Variants in DLGAP1 observed in about 807,000 individuals in gnomAD.
DLGAP1 encodes the protein disks large-associated protein 1.
Under a neutral mutation model 90.8 loss-of-function variants are expected in DLGAP1, and 11 were observed. That is an observed-to-expected ratio of 0.12 (90% confidence interval 0.08 to 0.20). The LOEUF (loss-of-function observed/expected upper bound fraction) is 0.20, where lower values mean the gene tolerates loss of function less well. Ranked by LOEUF, DLGAP1 falls within the 10% of genes least tolerant of loss-of-function variation. The probability of loss-of-function intolerance (pLI) is 1.00; values close to 1 mark genes in which losing one functional copy is unlikely to be tolerated. For synonymous variants in DLGAP1, 558 were observed against 540.7 expected (o/e 1.03, Z -0.44); for missense variants, 1,050 against 1,333.8 (o/e 0.79, Z 3.31).
chr18:4,223,459 T>C (rs1435434984), intron 1 of DLGAP1, among the ~76,000 whole-genome samples: 1 of 152,156 alleles, frequency 6.6e-6, no homozygotes, highest in Non-Finnish European at 1.5e-5. Flanking sequence ...CACTTTGAGG[T>C]ATCAGTGGGT....
intron 7 of DLGAP1, among the ~76,000 whole-genome samples, chr18:3,648,889 G>A (rs1220725541): frequency 6.6e-6 from 1 of 152,206 alleles, no homozygotes; most frequent in Non-Finnish European, 1.5e-5. Context: ...CCTGCCCCAG[G>A]GAGGAGGGTG....
In DLGAP1 at chr18:3,729,283, C is replaced by T. The variant is rs1158861846; in HGVS notation, c.1443G>A (p.Leu481=). The T allele has an allele frequency of 6.2e-7, 1 of 1,614,116 alleles. No individual in the cohort carries two copies. Among genetic ancestry groups the T allele is most frequent in the Middle Eastern group, 1.6e-4 (1 of 6,062 alleles). Residue 481 remains leucine, a synonymous_variant, in exon 7 of 13, where the codon CTG becomes CTA. Transcript: ENST00000315677. This position sits in a 1 kb window ranked among gnomAD's most constrained non-coding sequence, Gnocchi z 6.2. ...GCATGCGGAAGCAGCCGGGCATGGG[C>T]AGGTCCAGCGCTTCCACGGCCTGCG... ...LESQAVEALD[L]PMPGCFRMRS... is the part of the protein sequence containing the mutation.
intron 2 of DLGAP1, among the ~76,000 whole-genome samples, chr18:4,052,048 G>A (rs1417907907): frequency 1.3e-5 from 2 of 152,176 alleles, no homozygotes; most frequent in Non-Finnish European, 2.9e-5. Flanking sequence ...GGCTTTGCAG[G>A]GTACAGCTCC....
At chr18:4,251,669 C>T (rs2078781642) in intron 1 of DLGAP1, among the ~76,000 whole-genome samples, 1 of 152,110 alleles carries the variant, frequency 6.6e-6, no homozygotes, top group South Asian at 2.1e-4. Flanking sequence ...TATGTAACAG[C>T]CACTATTAAA....
intron 2 of DLGAP1, among the ~76,000 whole-genome samples, chr18:4,085,729 TC>T (rs2075672376): frequency 6.6e-6 from 1 of 152,212 alleles, no homozygotes; most frequent in African/African-American, 2.4e-5. Flanking sequence ...AATGTATTTT[TC>T]CCCTTTAAAC....
chr18:3,966,807 G>A (rs1165609020), intron 3 of DLGAP1, among the ~76,000 whole-genome samples: 2 of 152,132 alleles, frequency 1.3e-5, no homozygotes, highest in Admixed American at 6.5e-5. Context: ...AGTATGAGGT[G>A]AGAGGGGACG....
intron 3 of DLGAP1, among the ~76,000 whole-genome samples, chr18:3,918,968 GAT>G (rs1279541067): frequency 6.6e-6 from 1 of 152,206 alleles, no homozygotes; most frequent in African/African-American, 2.4e-5. Context: ...CTTCTCAAGA[GAT>G]ACACACAGTC....
At chr18:3,607,260 T>C (rs2057368724) in intron 7 of DLGAP1, 1 of 151,842 alleles carries the variant, frequency 6.6e-6, no homozygotes, top group South Asian at 2.1e-4. Flanking sequence ...TGCAACAAGG[T>C]GATTTTCCCG....
At chr18:3,961,141 A>T (rs2073189842) in intron 3 of DLGAP1, among the ~76,000 whole-genome samples, 2 of 152,024 alleles carry the variant, frequency 1.3e-5, no homozygotes, top group South Asian at 4.1e-4. Flanking sequence ...TCAGACACAG[A>T]GAGGGAAGAC....
intron 2 of DLGAP1, among the ~76,000 whole-genome samples, chr18:4,148,633 C>T (rs925024459): frequency 6.6e-6 from 1 of 152,138 alleles, no homozygotes; most frequent in Non-Finnish European, 1.5e-5. Context: ...TCTGTCTGCT[C>T]TTTTTGGTAT....
At chr18:3,970,758 C>T (rs1282732329) in intron 3 of DLGAP1, among the ~76,000 whole-genome samples, 2 of 148,566 alleles carry the variant, frequency 1.3e-5, no homozygotes, top group African/African-American at 5.2e-5. Context: ...GATATCTTGA[C>T]ATTAATATTA....
At chr18:4,295,765 AAAGT>A (rs1276926643) in intron 1 of DLGAP1, among the ~76,000 whole-genome samples, 40 of 152,248 alleles carry the variant, frequency 2.6e-4, no homozygotes, top group Admixed American at 2.6e-3. Flanking sequence ...AAACCAAATA[AAAGT>A]AAGTAAAGTG....
At chr18:4,327,356 A>C (rs1377058474) in intron 1 of DLGAP1, among the ~76,000 whole-genome samples, 2 of 152,060 alleles carry the variant, frequency 1.3e-5, no homozygotes, top group Admixed American at 6.6e-5. Context: ...TGTGCCAATT[A>C]AAATAAAAAT....
At chr18:3,642,795 A>G (rs970300077) in intron 7 of DLGAP1, among the ~76,000 whole-genome samples, 5 of 152,240 alleles carry the variant, frequency 3.3e-5, no homozygotes, top group African/African-American at 4.8e-5. Flanking sequence ...TTCTTTGTCC[A>G]GAACTTAAAA....
At chr18:4,162,201 C>T (rs887118026) in intron 1 of DLGAP1, among the ~76,000 whole-genome samples, 1 of 152,026 alleles carries the variant, frequency 6.6e-6, no homozygotes, top group Non-Finnish European at 1.5e-5. Context: ...TGATCCAAAG[C>T]GATAATGTCT....
intron 1 of DLGAP1, among the ~76,000 whole-genome samples, chr18:4,177,049 A>G (rs1036120663): frequency 6.6e-6 from 1 of 152,072 alleles, no homozygotes. Flanking sequence ...AGTTCCATCC[A>G]TCTTTCTGAA....
chr18:4,257,998 TGTGTGTGTGTGTGCGC>T (rs1049897134), intron 1 of DLGAP1, among the ~76,000 whole-genome samples: 10 of 143,618 alleles, frequency 7.0e-5, no homozygotes, highest in African/African-American at 2.6e-4. Flanking sequence ...TGTGTGTGTG[TGTGTGTGTGTGTGCGC>T]GCGCGCGCGT....
chr18:3,966,144 G>A (rs886088507), intron 3 of DLGAP1, among the ~76,000 whole-genome samples: 1 of 151,992 alleles, frequency 6.6e-6, no homozygotes, highest in African/African-American at 2.4e-5. Context: ...CGCTAATGCG[G>A]TTGGAGGGGA....
intron 1 of DLGAP1, among the ~76,000 whole-genome samples, chr18:4,394,048 TC>T (rs2082391815): frequency 6.6e-6 from 1 of 152,184 alleles, no homozygotes; most frequent in Non-Finnish European, 1.5e-5. Flanking sequence ...GGATCCCTGC[TC>T]TAGAACAACT....
Sources: allele counts gnomAD v4.1 joint callset (sites outside exome capture counted in the v4.1 genomes callset), GRCh38; gene constraint gnomAD v4.1.1; non-coding constraint Gnocchi (gnomAD v3.1); transcripts MANE v1.5; gene names NCBI Gene and HGNC (gene_info 2026-07-23, HGNC 2026-07-21).